The following CRPPA variants were observed in gnomAD, a reference collection of about 807,000 sequenced individuals.
CRPPA encodes CDP-L-ribitol pyrophosphorylase A.
CRPPA carries 43 observed loss-of-function variants against 52.0 expected under a neutral mutation model. The ratio of observed to expected loss-of-function variants is 0.83; its 90% CI spans 0.65 to 1.07. The LOEUF (loss-of-function observed/expected upper bound fraction) is 1.07. Among genes scored for constraint, CRPPA ranks in the 50% least tolerant of loss-of-function variants. The probability of loss-of-function intolerance (pLI) is 0.00; values close to 1 mark genes in which losing one functional copy is unlikely to be tolerated. For synonymous variants in CRPPA, 250 were observed against 203.5 expected (o/e 1.23, Z -1.94); for missense variants, 629 against 551.7 (o/e 1.14, Z -1.40).
At chr7:16,361,534 C>G (rs1299014373) in intron 3 of CRPPA, among the ~76,000 whole-genome samples, 1 of 152,102 alleles carries the variant, frequency 6.6e-6, no homozygotes, top group Non-Finnish European at 1.5e-5. Context: ...TCAGCCAGCC[C>G]AAAAATGGAA....
intron 1 of CRPPA, among the ~76,000 whole-genome samples, chr7:16,414,875 T>C (rs1345384225): frequency 6.6e-6 from 1 of 152,214 alleles, no homozygotes. Context: ...GTAATAGCCA[T>C]ATGCACAATT....
At chr7:16,358,937 T>C (rs2128308823) in intron 3 of CRPPA, among the ~76,000 whole-genome samples, 1 of 152,306 alleles carries the variant, frequency 6.6e-6, no homozygotes, top group East Asian at 1.9e-4. Context: ...AACTTTGAAA[T>C]AATGTAAAGA....
intron 9 of CRPPA, among the ~76,000 whole-genome samples, chr7:16,175,031 G>A (rs1247859738): frequency 2.6e-5 from 4 of 152,050 alleles, no homozygotes; most frequent in East Asian, 1.9e-4. Context: ...CTGGAAATTC[G>A]TCATAGTTAT....
chr7:16,354,322 A>G (rs574681492), intron 3 of CRPPA, among the ~76,000 whole-genome samples: 1 of 152,282 alleles, frequency 6.6e-6, no homozygotes, highest in South Asian at 2.1e-4. Flanking sequence ...TCTGCTTTGT[A>G]TTAGCACCAG....
At chr7:16,114,794 A>T (rs186250469) in intron 9 of CRPPA, among the ~76,000 whole-genome samples, 154 of 152,252 alleles carry the variant, frequency 1.0e-3, no homozygotes, top group Non-Finnish European at 1.9e-3. Flanking sequence ...GATTAACTAA[A>T]GAAGCCAGAT....
intron 4 of CRPPA, among the ~76,000 whole-genome samples, 182 bp downstream of exon 4, chr7:16,308,341 A>G (rs1037429377): frequency 6.6e-6 from 1 of 152,224 alleles, no homozygotes; most frequent in African/African-American, 2.4e-5. Flanking sequence ...GTGTCTGAGT[A>G]AATTATCTCA....
intron 1 of CRPPA, among the ~76,000 whole-genome samples, chr7:16,407,665 C>T (rs981234515): frequency 1.3e-5 from 2 of 152,086 alleles, no homozygotes. Flanking sequence ...CTCTTGTTAT[C>T]GAACAGACCC....
At chr7:16,108,128 T>C (rs545450036) in intron 9 of CRPPA, among the ~76,000 whole-genome samples, 17 of 151,992 alleles carry the variant, frequency 1.1e-4, no homozygotes, top group Non-Finnish European at 1.8e-4. Flanking sequence ...AGTAAATCCT[T>C]ACCTATCAAT....
intron 8 of CRPPA, among the ~76,000 whole-genome samples, chr7:16,223,933 AAAAC>A (rs1341371715): frequency 1.9e-4 from 29 of 152,292 alleles, no homozygotes; most frequent in Admixed American, 1.9e-3. Flanking sequence ...GAATTACAGT[AAAAC>A]AGTATTTCCC....
intron 4 of CRPPA, among the ~76,000 whole-genome samples, chr7:16,305,685 G>C (rs558107914): frequency 6.6e-6 from 1 of 152,274 alleles, no homozygotes; most frequent in Admixed American, 6.5e-5. Context: ...GGCCAACATG[G>C]TGAAACCCCG....
intron 3 of CRPPA, among the ~76,000 whole-genome samples, chr7:16,348,651 G>A (rs1052657535): frequency 2.0e-5 from 3 of 152,058 alleles, no homozygotes; most frequent in Admixed American, 2.0e-4. Context: ...CTGGAAGGTG[G>A]TTGCTGCACA....
In CRPPA at chr7:16,274,854, T is replaced by C. The variant is rs188978234; in HGVS notation, c.933+3275A>G. Among the ~76,000 whole-genome samples, 63 of 152,254 alleles carry C rather than the reference T, an allele frequency of 4.1e-4. 1 individual carries two copies. The East Asian group carries it at 0.011, about 27-fold the overall frequency. ...AAAGGGGAGAAAGATTCTGGAAACC[T>C]AGAAATATGATTTTAGTCTTTGAAT... On this transcript the variant is annotated intron_variant, in intron 6 of 9. Transcript: ENST00000407010.
At chr7:16,117,912 G>C (rs1782410259) in intron 9 of CRPPA, among the ~76,000 whole-genome samples, 1 of 152,162 alleles carries the variant, frequency 6.6e-6, no homozygotes, top group Admixed American at 6.5e-5. Context: ...TTGAGTCCTA[G>C]AGTGACTGTC....
rs76278302 is a variant in CRPPA at position 16,306,552 on chromosome 7, G to C, written c.789+1971C>G. ...AAGAGTGCTTTACAAACTTGATGAG[G>C]GCTCAGAACATGCAAAAGAGGTAAA... On this transcript the variant is annotated intron_variant, in intron 4 of 9. Transcript: ENST00000407010. Among the ~76,000 whole-genome samples, 1,071 of 152,272 alleles carry C rather than the reference G, an allele frequency of 7.0e-3. 18 individuals are homozygous for C. The highest frequency in any genetic ancestry group is 0.025 in the African/African-American group (1,046 of 41,548).
intron 9 of CRPPA, chr7:16,210,478 T>G (rs527500238): frequency 2.4e-4 from 36 of 152,330 alleles, no homozygotes; most frequent in Admixed American, 5.9e-4. Flanking sequence ...CTCTCTTGCA[T>G]TCTATGATGT....
At chr7:16,378,334 C>T (rs1215256810) in intron 2 of CRPPA, among the ~76,000 whole-genome samples, 6 of 138,446 alleles carry the variant, frequency 4.3e-5, no homozygotes, top group Admixed American at 8.1e-5. Flanking sequence ...TTGTTCAATT[C>T]CCACCTATGA....
At chr7:16,257,702 G>A (rs900334601) in intron 8 of CRPPA, among the ~76,000 whole-genome samples, 9 of 152,146 alleles carry the variant, frequency 5.9e-5, no homozygotes, top group South Asian at 2.1e-4. Context: ...GAGAATTTAT[G>A]GTCTGGAACC....
At chr7:16,384,304 A>G (rs1007911676) in intron 2 of CRPPA, among the ~76,000 whole-genome samples, 2 of 152,230 alleles carry the variant, frequency 1.3e-5, no homozygotes, top group South Asian at 2.1e-4. Context: ...CTCAAAAGAG[A>G]TCATCATGGT....
intron 9 of CRPPA, among the ~76,000 whole-genome samples, chr7:16,109,591 T>C (rs142022355): frequency 3.3e-5 from 5 of 152,054 alleles, no homozygotes; most frequent in Non-Finnish European, 7.4e-5. Flanking sequence ...CTCAACAAAA[T>C]ACTAGCAAAC....
Sources: gnomAD v4.1 joint callset for allele counts (sites outside exome capture counted in the v4.1 genomes callset) on GRCh38, gnomAD v4.1.1 for gene constraint, MANE v1.5 for transcripts, NCBI Gene and HGNC (gene_info 2026-07-23, HGNC 2026-07-21) for gene names.